Variants in POLE observed in about 807,000 individuals in gnomAD.
POLE encodes DNA polymerase epsilon, catalytic subunit, also known as DNA polymerase epsilon catalytic subunit A.
A neutral mutation model predicts 279.2 loss-of-function variants in POLE; 188 were observed. That is an observed-to-expected ratio of 0.67 (90% confidence interval 0.60 to 0.76). The LOEUF is 0.76. POLE is among the 30% of genes least tolerant of loss of function. The pLI, the probability that POLE is intolerant of heterozygous loss-of-function variation, is 0.00. For missense variants in POLE, 2,703 were observed against 3,016.7 expected (o/e 0.90, Z 2.44); for synonymous variants, 1,214 against 1,172.5 (o/e 1.04, Z -0.72).
rs780256616 is a variant in POLE, at chr12:132,679,547, C to T, written c.528G>A (p.Lys176=). The change falls in exon 6 of 49, where the codon AAG becomes AAA. Residue 176 remains lysine, a synonymous_variant. Coordinates refer to ENST00000320574, the MANE Select transcript of POLE (RefSeq NM_006231.4). ...CGCTGGCGTGATCCTGCTCCCTGTT[C>T]TTCTTCACGGCAGGGGAGATCTCCT... The part of the protein sequence containing the change: ...VRKEISPAVK[K]NREQDHASDA... 1 of 1,614,088 alleles carries T rather than the reference C, an allele frequency of 6.2e-7. No homozygotes were observed. The highest frequency in any genetic ancestry group is 8.5e-7 in the Non-Finnish European group (1 of 1,179,952).
At position 132,649,820 on chromosome 12, in the gene POLE, C is replaced by A. The variant is rs756246229; in HGVS notation, c.3652G>T (p.Val1218Leu). 6.2e-7 allele frequency: 1 copy of A among 1,614,124 alleles called. No individual in the cohort carries two copies. The highest frequency in any genetic ancestry group is 8.5e-7 in the Non-Finnish European group (1 of 1,180,016). ...SAPDMEDFGLVKLPHPAAPVT... is the reference protein window; with the variant it reads ...SAPDMEDFGLLKLPHPAAPVT... ...GGGGCTGCTGGGTGAGGCAGCTTTA[C>A]GAGGCCGAAGTCCTCCATGTCAGGA... Residue 1218 changes from valine (V) to leucine (L), a missense_variant, in exon 30 of 49, where the codon GTA becomes TTA. By Grantham distance (32) the Val-to-Leu change is conservative (BLOSUM62 1). Coordinates refer to ENST00000320574, the MANE Select transcript of POLE (RefSeq NM_006231.4).
At chr12:132,671,332 C>A (rs1031390337) in intron 16 of POLE, among the ~76,000 whole-genome samples, 1 of 146,952 alleles carries the variant, frequency 6.8e-6, no homozygotes, top group African/African-American at 2.6e-5. Context: ...TCTAAACCAG[C>A]AACCTCACTG....
chr12:132,661,643 C>T lies in POLE; in HGVS notation c.2748G>A (p.Pro916=), dbSNP rs756542563. 25 of 1,613,994 alleles carry T rather than the reference C, an allele frequency of 1.5e-5. No homozygotes were observed. The highest frequency in any genetic ancestry group is 5.3e-5 in the African/African-American group (4 of 74,896). The change falls in exon 24 of 49, where the codon CCG becomes CCA. Residue 916 remains proline, a synonymous_variant. Transcript: ENST00000320574. This position sits in a 1 kb window ranked among gnomAD's most constrained non-coding sequence, Gnocchi z 4.1. ...AGCGGGTGACGTAGGTGAGTGAGGA[C>T]GGCTCAGCCAGCTCCTGGTACTGGT... ...TNDQYQELAE[P]SSLTYVTRSE...
In POLE at chr12:132,657,170, A is replaced by T. The variant is rs1565952965; in HGVS notation, c.3548T>A (p.Ile1183Asn). The change falls in exon 29 of 49, where the codon ATC (isoleucine) becomes AAC (asparagine). Residue 1183 changes from isoleucine to asparagine, a missense_variant. By Grantham distance (149) the Ile-to-Asn change is moderately radical. This residue lies in a region of POLE where 1,551 missense variants were observed against 1,686.1 expected (regional missense o/e 0.92). Transcript: ENST00000320574. ...GCCCTCCAGGGTGAAGAGCTCACTGATCTTCTTCTGCTTGTAGACATCATT... is the reference window on the plus strand; with the variant it reads ...GCCCTCCAGGGTGAAGAGCTCACTGTTCTTCTTCTGCTTGTAGACATCATT... Reference protein sequence around the residue: ...EKNDVYKQKKISELFTLEGRR... With the variant: ...EKNDVYKQKKNSELFTLEGRR... The T allele has an allele frequency of 6.2e-7, 1 of 1,613,612 alleles. No homozygotes were observed. Among genetic ancestry groups the T allele is most frequent in the African/African-American group, 1.3e-5 (1 of 74,722 alleles).
chr12:132,672,962 G>A (rs980631273), intron 14 of POLE, 123 bp from the exon 15 acceptor site: 17 of 906,442 alleles, frequency 1.9e-5, no homozygotes, highest in East Asian at 1.1e-4. Context: ...GTAAATGGCT[G>A]CAAATTCTGC....
rs1566307090 is a variant in POLE at position 132,624,916 on chromosome 12, T to C, written c.6736A>G (p.Ile2246Val). ...CSCAGDFALTIHTQVFMEQIG... is the reference protein window; with the variant it reads ...CSCAGDFALTVHTQVFMEQIG... ...GAGGGAGAGCCCACCTGGGTGTGGA[T>C]GGTGAGGGCGAAGTCTCCCGCGCAG... Residue 2246 changes from isoleucine to valine, a missense_variant, in exon 48 of 49, where the codon ATC (isoleucine) becomes GTC (valine). Transcript: ENST00000320574. The C allele has an allele frequency of 1.9e-6, 3 of 1,613,916 alleles. No individual in the cohort carries two copies. The highest frequency in any genetic ancestry group is 2.5e-6 in the Non-Finnish European group (3 of 1,179,806).
At chr12:132,659,857 A>T (rs778699525) in intron 25 of POLE, 7 of 239,162 alleles carry the variant, frequency 2.9e-5, no homozygotes, top group Non-Finnish European at 5.7e-5. Flanking sequence ...ACATCCAGCT[A>T]ATTTTTGTAT....
At chr12:132,649,209 TCTAAC>T (rs2042358541) in intron 31 of POLE, 92 bp downstream of exon 31, 1 of 1,509,258 alleles carries the variant, frequency 6.6e-7, no homozygotes, top group East Asian at 2.3e-5. Context: ...CCAGGCCCAC[TCTAAC>T]CCTCCCATCC....
At chr12:132,665,164 G>T in intron 21 of POLE, 138 bp downstream of exon 21, 1 of 954,106 alleles carries the variant, frequency 1.0e-6, no homozygotes, top group African/African-American at 1.6e-5. Flanking sequence ...CCCCACCCCA[G>T]CCCAAAGCCT....
rs1331645668 is a variant in POLE at position 132,639,444 on chromosome 12, A to ATC, written c.5379-147_5379-146insGA. 3 of 663,500 alleles carry ATC rather than the reference A, an allele frequency of 4.5e-6. No individual in the cohort carries two copies. The highest frequency in any genetic ancestry group is 7.8e-6 in the Non-Finnish European group (3 of 386,782). The allele number at this position is 663,500 out of a possible 1,614,324, so 41.1% of individuals were successfully genotyped here. A position where few individuals can be genotyped will look rare whatever the true frequency, so the allele number is the denominator to read the frequency against. On this transcript the variant is annotated intron_variant, in intron 39 of 48. Transcript: ENST00000320574. This position sits in a 1 kb window ranked among gnomAD's most constrained non-coding sequence, Gnocchi z 4.7. ...GTCGCCTCCCCTTCTCACTGTCCCC[A>ATC]CCTTAAGTCACGGTCCAAATTTCAT...
intron 47 of POLE, 66 bp from the exon 48 acceptor site, chr12:132,625,060 T>C: frequency 8.3e-7 from 1 of 1,210,636 alleles, no homozygotes; most frequent in Non-Finnish European, 1.2e-6. Context: ...TGCTGCTTCT[T>C]CACAGGCTCG....
chr12:132,625,343 C>G lies in POLE; in HGVS notation c.6657+302G>C, dbSNP rs779609846. On this transcript the variant is annotated intron_variant, in intron 47 of 48. Coordinates refer to ENST00000320574, the MANE Select transcript of POLE (RefSeq NM_006231.4). Reference sequence around the variant, plus strand: ...CTGCTCAGATGCCCCTCGGCAAGACCTTCCTGTGGCCGAGCTGTGCAACTC... The same window carrying G: ...CTGCTCAGATGCCCCTCGGCAAGACGTTCCTGTGGCCGAGCTGTGCAACTC... The G allele has an allele frequency of 4.1e-6, 3 of 728,852 alleles. No individual in the cohort carries two copies. The African/African-American group carries it at 5.1e-5, about 12-fold the overall frequency. 45.1% of individuals were successfully genotyped at this position (728,852 alleles called of 1,614,324 possible). A position where few individuals can be genotyped will look rare whatever the true frequency, so the allele number is the denominator to read the frequency against.
At chr12:132,674,976 G>A (rs894230466) in intron 12 of POLE, among the ~76,000 whole-genome samples, 2 of 151,614 alleles carry the variant, frequency 1.3e-5, no homozygotes, top group South Asian at 4.2e-4. Flanking sequence ...GCCCCCGAAC[G>A]CCGTGACTCT....
intron 26 of POLE, among the ~76,000 whole-genome samples, chr12:132,658,942 C>T (rs534415945): frequency 7.2e-6 from 1 of 139,796 alleles, no homozygotes; most frequent in Non-Finnish European, 1.5e-5. Flanking sequence ...TTTACATACA[C>T]GGAGGCATAA....
intron 38 of POLE, 86 bp downstream of exon 38, chr12:132,642,091 C>G (rs976394729): frequency 5.6e-6 from 7 of 1,250,386 alleles, no homozygotes; most frequent in Non-Finnish European, 7.9e-6. Context: ...CTGAGCCCAT[C>G]CTCGGCACTA....
In POLE at chr12:132,673,230, C is replaced by T. The variant is rs2135996438; in HGVS notation, c.1407G>A (p.Leu469=). Residue 469 remains leucine, a synonymous_variant, in exon 14 of 49, where the codon CTG becomes CTA. Coordinates refer to ENST00000320574, the MANE Select transcript of POLE (RefSeq NM_006231.4). The stretch of plus-strand genomic sequence containing the variant: ...TGAATGGGTGGACGTACTTCATGTA[C>T]AGGTAGTAAGTGGCGACAGCATCTG... ...SVSDAVATYY[L]YMKYVHPFIF... is the part of the protein sequence containing the mutation. 6.2e-7 allele frequency: 1 copy of T among 1,613,876 alleles called. No individual in the cohort carries two copies. The highest frequency in any genetic ancestry group is 8.5e-7 in the Non-Finnish European group (1 of 1,179,750).
rs539373961 is a variant in POLE, at chr12:132,651,471, T to TA, written c.3583-1583dup. On this transcript the variant is annotated intron_variant, in intron 29 of 48. Transcript: ENST00000320574. ...TCTTGCTACTTGATGCCACCACACT[T>TA]ACTTGCCTTCAGTGTGACCTGCTAT... 1.9e-3 allele frequency: 291 copies of TA among 152,334 alleles called. 2 individuals are homozygous for TA. The highest frequency in any genetic ancestry group is 6.9e-3 in the African/African-American group (285 of 41,562). The allele number at this position is 152,334 out of a possible 1,614,324, so 9.4% of individuals were successfully genotyped here. A position where few individuals can be genotyped will look rare whatever the true frequency, so the allele number is the denominator to read the frequency against.
rs1320290007 is a variant in POLE at position 132,682,304 on chromosome 12, AT to A, written c.63-1026del. Among the ~76,000 whole-genome samples, 952 of 100,770 alleles carry A rather than the reference AT, an allele frequency of 9.4e-3. 9 individuals are homozygous for A. Among genetic ancestry groups the A allele is most frequent in the East Asian group, 0.015 (64 of 4,164 alleles). The allele number at this position is 100,770 out of a possible 152,430, so 66.1% of individuals were successfully genotyped here. A position where few individuals can be genotyped will look rare whatever the true frequency, so the allele number is the denominator to read the frequency against. On this transcript the variant is annotated intron_variant, in intron 1 of 48. Transcript: ENST00000320574. The stretch of plus-strand genomic sequence containing the variant: ...GCGAGACTCCGGCAAAAAAAAAAAA[AT>A]AAATAAAAATAAATAAATAAATAAA...
In POLE at chr12:132,649,352, C is replaced by T. The variant is rs772663586; in HGVS notation, c.3959G>A (p.Arg1320Gln). The T allele has an allele frequency of 1.5e-5, 25 of 1,613,522 alleles. No homozygotes were observed. In the South Asian group the frequency reaches 1.8e-4, roughly 11 times the overall value. ...GPATGLGSFLRRTARSILDLP... is the reference protein window; with the variant it reads ...GPATGLGSFLQRTARSILDLP... The stretch of plus-strand genomic sequence containing the variant: ...GTCCAGGATGCTGCGGGCAGTTCTT[C>T]GCAAGAAGCTCCCCAGCCCCGTGGC... Residue 1320 changes from arginine to glutamine, a missense_variant, in exon 31 of 49, where the codon CGA becomes CAA. Around this residue, in one of 5 missense-constraint regions of POLE, gnomAD observed 1,551 missense variants for 1,686.1 expected, o/e 0.92. Coordinates refer to ENST00000320574, the MANE Select transcript of POLE (RefSeq NM_006231.4).
Sources: allele counts gnomAD v4.1 joint callset (sites outside exome capture counted in the v4.1 genomes callset), GRCh38; gene constraint gnomAD v4.1.1; regional missense constraint gnomAD v4.1.1; non-coding constraint Gnocchi (gnomAD v3.1); transcripts MANE v1.5; gene names NCBI Gene and HGNC (gene_info 2026-07-23, HGNC 2026-07-21).